Variants in THADA observed in about 807,000 individuals in gnomAD.
THADA encodes the protein THADA armadillo repeat containing, also known as tRNA (32-2'-O)-methyltransferase regulator THADA.
In THADA, 213 loss-of-function variants were observed where a neutral mutation model predicts 219.8. The observed-to-expected ratio is 0.97, with a 90% CI of 0.87 to 1.09. The LOEUF (loss-of-function observed/expected upper bound fraction) is 1.09, where lower values mean the gene tolerates loss of function less well. Among genes scored for constraint, THADA ranks in the 50% least tolerant of loss-of-function variants. The probability of loss-of-function intolerance (pLI) is 0.00; values close to 1 mark genes in which losing one functional copy is unlikely to be tolerated. For missense variants in THADA, 2,956 were observed against 2,311.3 expected (o/e 1.28, Z -5.72); for synonymous variants, 1,018 against 828.9 (o/e 1.23, Z -3.92).
intron 36 of THADA, among the ~76,000 whole-genome samples, chr2:43,249,639 A>G (rs1669612055): frequency 6.6e-6 from 1 of 152,044 alleles, no homozygotes; most frequent in African/African-American, 2.4e-5. Context: ...TCCCTCCCTC[A>G]TCACTAGTGG....
At chr2:43,528,666 C>CA (rs1368262715) in intron 21 of THADA, among the ~76,000 whole-genome samples, 1 of 152,178 alleles carries the variant, frequency 6.6e-6, no homozygotes, top group African/African-American at 2.4e-5. Flanking sequence ...ATGTCACATT[C>CA]ACAAACCTCA....
chr2:43,519,315 C>T (rs1158283439), intron 22 of THADA, among the ~76,000 whole-genome samples: 1 of 151,952 alleles, frequency 6.6e-6, no homozygotes, highest in Non-Finnish European at 1.5e-5. Context: ...TATGAAATTC[C>T]AGAAAAACAT....
rs1427831874 is a variant in THADA at position 43,534,958 on chromosome 2, AC to A, written c.3264+6200del. Among the ~76,000 whole-genome samples, 5 of 151,988 alleles carry A rather than the reference AC, an allele frequency of 3.3e-5. No individual in the cohort carries two copies. In the East Asian group the frequency reaches 9.7e-4, roughly 29 times the overall value. On this transcript the variant is annotated intron_variant, in intron 21 of 37. Coordinates refer to ENST00000405975, the MANE Select transcript of THADA (RefSeq NM_022065.5). ...AGTAGCTATACTAGTTTACACTCCC[AC>A]CAATAGGGTGTAAGAGTTCCCTTTT...
chr2:43,456,290 T>C (rs1682989744), intron 26 of THADA, among the ~76,000 whole-genome samples: 1 of 152,232 alleles, frequency 6.6e-6, no homozygotes, highest in African/African-American at 2.4e-5. Context: ...TTTATCTGAC[T>C]ACATTCAGCC....
intron 22 of THADA, among the ~76,000 whole-genome samples, chr2:43,512,826 C>T (rs1006792876): frequency 2.0e-5 from 3 of 152,186 alleles, no homozygotes; most frequent in Non-Finnish European, 2.9e-5. Context: ...AACTATCATA[C>T]TGGAAATATA....
At chr2:43,499,528 CACCACGGCCGGCT>C (rs1688667493) in intron 24 of THADA, among the ~76,000 whole-genome samples, 1 of 152,086 alleles carries the variant, frequency 6.6e-6, no homozygotes, top group South Asian at 2.1e-4. Context: ...AGATATGTGC[CACCACGGCCGGCT>C]AAGTTTTGTA....
At chr2:43,256,789 G>A (rs1314188641) in intron 36 of THADA, among the ~76,000 whole-genome samples, 1 of 151,322 alleles carries the variant, frequency 6.6e-6, no homozygotes, top group African/African-American at 2.4e-5. Flanking sequence ...ACGTTGCCTA[G>A]GCTGGTCATG....
intron 28 of THADA, among the ~76,000 whole-genome samples, chr2:43,426,335 C>G (rs1678416138): frequency 6.6e-6 from 1 of 152,192 alleles, no homozygotes; most frequent in Non-Finnish European, 1.5e-5. Flanking sequence ...AAAGCTTCCA[C>G]AAATTCAATG....
chr2:43,453,182 A>G (rs1419230754), intron 26 of THADA, among the ~76,000 whole-genome samples: 1 of 152,196 alleles, frequency 6.6e-6, no homozygotes, highest in African/African-American at 2.4e-5. Flanking sequence ...GTATACACAT[A>G]TTTTCCCAAA....
intron 29 of THADA, among the ~76,000 whole-genome samples, chr2:43,383,303 A>T (rs1296359602): frequency 6.6e-6 from 1 of 152,258 alleles, no homozygotes; most frequent in African/African-American, 2.4e-5. Flanking sequence ...GAGACAGTGC[A>T]TAAGTAAGGC....
chr2:43,501,958 A>G (rs998053849), intron 24 of THADA, among the ~76,000 whole-genome samples: 2 of 152,142 alleles, frequency 1.3e-5, no homozygotes, highest in South Asian at 2.1e-4. Context: ...AAGTTGAAAC[A>G]AAAATAAAAC....
At chr2:43,375,430 T>G (rs905406899) in intron 29 of THADA, among the ~76,000 whole-genome samples, 1 of 152,224 alleles carries the variant, frequency 6.6e-6, no homozygotes, top group South Asian at 2.1e-4. Flanking sequence ...TATAACACAG[T>G]ATTTTCTCTC....
intron 36 of THADA, among the ~76,000 whole-genome samples, chr2:43,233,682 C>A (rs1667705513): frequency 6.6e-6 from 1 of 151,940 alleles, no homozygotes; most frequent in Admixed American, 6.6e-5. Flanking sequence ...AAGCAGGGGG[C>A]CTTGGGGAAA....
intron 22 of THADA, among the ~76,000 whole-genome samples, chr2:43,520,000 G>A (rs943890955): frequency 6.6e-6 from 1 of 152,212 alleles, no homozygotes; most frequent in African/African-American, 2.4e-5. Context: ...AAGGAATTGA[G>A]AGGTAAAAAT....
At chr2:43,448,586 AT>A (rs1294207784) in intron 26 of THADA, among the ~76,000 whole-genome samples, 3 of 47,070 alleles carry the variant, frequency 6.4e-5, no homozygotes, top group South Asian at 7.3e-4. Flanking sequence ...TTTTGCTTTT[AT>A]TTTCTTCTTC....
intron 4 of THADA, among the ~76,000 whole-genome samples, chr2:43,589,531 A>G (rs2104170843): frequency 6.6e-6 from 1 of 152,368 alleles, no homozygotes; most frequent in East Asian, 1.9e-4. Flanking sequence ...AGATCATTGC[A>G]CTGCAATATG....
chr2:43,561,590 T>C (rs1295682630), intron 15 of THADA, among the ~76,000 whole-genome samples: 2 of 152,256 alleles, frequency 1.3e-5, no homozygotes, highest in African/African-American at 4.8e-5. Flanking sequence ...TTGAGGAATA[T>C]AAATTGGGAT....
At chr2:43,326,208 T>C (rs998270461) in intron 30 of THADA, among the ~76,000 whole-genome samples, 3 of 150,192 alleles carry the variant, frequency 2.0e-5, no homozygotes, top group South Asian at 2.1e-4. Context: ...CTAGTGTAGT[T>C]GGGAAAACAC....
chr2:43,311,990 G>C (rs772896818), intron 31 of THADA, among the ~76,000 whole-genome samples: 8 of 151,948 alleles, frequency 5.3e-5, no homozygotes, highest in Non-Finnish European at 8.8e-5. Flanking sequence ...CTTAAGCCCA[G>C]AAGTTTGAGA....
Sources: allele counts gnomAD v4.1 joint callset (sites outside exome capture counted in the v4.1 genomes callset), GRCh38; gene constraint gnomAD v4.1.1; transcripts MANE v1.5; gene names NCBI Gene and HGNC (gene_info 2026-07-23, HGNC 2026-07-21).